DPP8: variants seen among roughly 807,000 people sequenced by gnomAD.
The protein encoded by DPP8 is dipeptidyl peptidase 8, also known as DPP VIII.
Under a neutral mutation model 107.5 loss-of-function variants are expected in DPP8, and 31 were observed. That is an observed-to-expected ratio of 0.29 (90% confidence interval 0.22 to 0.39). The LOEUF (loss-of-function observed/expected upper bound fraction) is 0.39, where lower values mean the gene tolerates loss of function less well. Ranked by LOEUF, DPP8 falls within the 10% of genes least tolerant of loss-of-function variation. The pLI is 1.00. For synonymous variants in DPP8, 381 were observed against 356.6 expected, an observed-to-expected ratio of 1.07 and a Z score of -0.77; for missense variants, 842 against 1,076.1, an observed-to-expected ratio of 0.78 and a Z score of 3.04.
At chr15:65,479,553 T>C (rs2066707311) in intron 10 of DPP8, among the ~76,000 whole-genome samples, 1 of 152,162 alleles carries the variant, frequency 6.6e-6, no homozygotes, top group African/African-American at 2.4e-5. Flanking sequence ...CAATTAAGAA[T>C]TGGTATATTG....
chr15:65,466,974 A>G, intron 13 of DPP8, 97 bp downstream of exon 13: 1 of 1,483,528 alleles, frequency 6.7e-7, no homozygotes, highest in South Asian at 1.3e-5. Flanking sequence ...TTAGAGAATT[A>G]GGCTTTTGCA....
In DPP8 at chr15:65,512,447, T is replaced by C; in HGVS notation, c.107A>G (p.Tyr36Cys). ...CTGACTCCAGGAATACCGCTCAACA[T>C]AAAAAGGCTCCAATTTAGGCCGATC... The part of the protein sequence containing the change: ...SQDRPKLEPF[Y>C]VERYSWSQLK... The change falls in exon 2 of 20, where the codon TAT becomes TGT. Residue 36 changes from tyrosine to cysteine, a missense_variant. This residue lies in a region of DPP8 where 663 missense variants were observed against 758.0 expected (regional missense o/e 0.87). Coordinates refer to ENST00000300141, the MANE Select transcript of DPP8 (RefSeq NM_130434.5). 1 of 1,614,144 alleles carries C rather than the reference T, an allele frequency of 6.2e-7. No homozygotes were observed. Among genetic ancestry groups the C allele is most frequent in the South Asian group, 1.1e-5 (1 of 91,080 alleles).
At position 65,445,388 on chromosome 15, in the gene DPP8, C is replaced by G. The variant is rs1375014367; in HGVS notation, c.*1496G>C. The stretch of plus-strand genomic sequence containing the variant: ...ATCAAACTCATAGATGCCTTCCCTG[C>G]CACTGGTGTCAATGTGACCAATCTA... On this transcript the variant is annotated 3_prime_UTR_variant, in exon 20 of 20. Transcript: ENST00000300141. 6.6e-6 allele frequency: 1 copy of G among 152,460 alleles called. No homozygotes were observed. Among genetic ancestry groups the G allele is most frequent in the Non-Finnish European group, 1.5e-5 (1 of 68,034 alleles). The allele number at this position is 152,460 out of a possible 1,614,324, so 9.4% of individuals were successfully genotyped here. A position where few individuals can be genotyped will look rare whatever the true frequency, so the allele number is the denominator to read the frequency against.
chr15:65,474,124 T>G, intron 12 of DPP8, 85 bp downstream of exon 12: 3 of 1,000,894 alleles, frequency 3.0e-6, no homozygotes, highest in Non-Finnish European at 4.7e-6. Context: ...AATACCGGGG[T>G]CATATTAAAT....
chr15:65,487,264 G>C (rs1287660623), intron 7 of DPP8, among the ~76,000 whole-genome samples: 1 of 151,598 alleles, frequency 6.6e-6, no homozygotes, highest in Non-Finnish European at 1.5e-5. Flanking sequence ...ATTATCCTGC[G>C]TCAGCCTCCC....
chr15:65,462,267 C>T (rs2064993826), intron 15 of DPP8, among the ~76,000 whole-genome samples: 1 of 152,202 alleles, frequency 6.6e-6, no homozygotes, highest in South Asian at 2.1e-4. Context: ...CAGCGCCCGG[C>T]TAACTCTTTC....
At chr15:65,475,635 A>T in intron 11 of DPP8, 1 of 847,114 alleles carries the variant, frequency 1.2e-6, no homozygotes, top group Non-Finnish European at 1.9e-6. Flanking sequence ...TTCTTCTAGA[A>T]ATGCAACAAA....
chr15:65,453,840 G>A (rs1196883334), intron 17 of DPP8, among the ~76,000 whole-genome samples: 5 of 151,902 alleles, frequency 3.3e-5, no homozygotes, highest in Admixed American at 1.3e-4. Flanking sequence ...AGGCGCAGTG[G>A]CTCATGCCTG....
intron 6 of DPP8, 85 bp downstream of exon 6, chr15:65,490,104 A>G: frequency 1.6e-6 from 1 of 614,482 alleles, no homozygotes; most frequent in Non-Finnish European, 2.7e-6. Context: ...CTATTATCCA[A>G]GATTTAGAAC....
At chr15:65,499,339 T>G (rs1463977031) in intron 4 of DPP8, among the ~76,000 whole-genome samples, 1 of 151,676 alleles carries the variant, frequency 6.6e-6, no homozygotes, top group Middle Eastern at 3.2e-3. Flanking sequence ...TTCAAGCAAT[T>G]CTCGTGCTTC....
At chr15:65,489,678 A>G (rs1368017910) in intron 6 of DPP8, among the ~76,000 whole-genome samples, 2 of 150,312 alleles carry the variant, frequency 1.3e-5, no homozygotes, top group East Asian at 3.9e-4. Flanking sequence ...TCAGCCTTCC[A>G]AAGTGCTGGG....
intron 5 of DPP8, among the ~76,000 whole-genome samples, chr15:65,497,428 AT>A (rs1390208787): frequency 6.6e-6 from 1 of 151,674 alleles, no homozygotes; most frequent in Non-Finnish European, 1.5e-5. Flanking sequence ...AATTTTTTGT[AT>A]TTTTTTGTCA....
chr15:65,517,380 C>A (rs1357138045), intron 1 of DPP8, 106 bp downstream of exon 1: 1 of 152,424 alleles, frequency 6.6e-6, no homozygotes, highest in Admixed American at 6.5e-5. Context: ...AGCGCGCTGA[C>A]CCTGAGAACG....
intron 14 of DPP8, among the ~76,000 whole-genome samples, chr15:65,464,802 A>T (rs2065201585): frequency 6.6e-6 from 1 of 152,206 alleles, no homozygotes; most frequent in South Asian, 2.1e-4. Context: ...GGAAATGTCT[A>T]TGTGCAGAAC....
intron 1 of DPP8, chr15:65,516,091 G>A (rs979371527): frequency 9.4e-6 from 3 of 320,024 alleles, no homozygotes; most frequent in African/African-American, 2.1e-5. Context: ...AAGGCATACA[G>A]ATGTGAAGTT....
intron 8 of DPP8, among the ~76,000 whole-genome samples, chr15:65,482,895 G>C (rs972252790): frequency 6.6e-6 from 1 of 151,212 alleles, no homozygotes; most frequent in African/African-American, 2.4e-5. Context: ...AGGAGATCGA[G>C]ACCATCCTGG....
At chr15:65,456,706 A>G (rs1377343698) in intron 15 of DPP8, among the ~76,000 whole-genome samples, 1 of 152,196 alleles carries the variant, frequency 6.6e-6, no homozygotes, top group Non-Finnish European at 1.5e-5. Flanking sequence ...GACAGTTACA[A>G]GGACAAATAA....
intron 2 of DPP8, among the ~76,000 whole-genome samples, chr15:65,511,695 A>G (rs183905586): frequency 3.3e-5 from 5 of 151,668 alleles, no homozygotes; most frequent in East Asian, 1.9e-4. Flanking sequence ...GACATCTTTA[A>G]TATCTCCATA....
chr15:65,517,405 T>TC (rs759774895), intron 1 of DPP8, 81 bp downstream of exon 1: 1 of 152,430 alleles, frequency 6.6e-6, no homozygotes. Flanking sequence ...GAGCAGTCCC[T>TC]CCGTGAGGCG....
Sources: allele counts gnomAD v4.1 joint callset (sites outside exome capture counted in the v4.1 genomes callset), GRCh38; gene constraint gnomAD v4.1.1; regional missense constraint gnomAD v4.1.1; transcripts MANE v1.5; gene names NCBI Gene and HGNC (gene_info 2026-07-23, HGNC 2026-07-21).